FRMD4A: variants seen among roughly 807,000 people sequenced by gnomAD.
FRMD4A encodes FERM domain-containing protein 4A.
Under a neutral mutation model 129.1 loss-of-function variants are expected in FRMD4A, and 29 were observed. That is an observed-to-expected ratio of 0.22 (90% CI 0.17 to 0.31). The LOEUF (loss-of-function observed/expected upper bound fraction) is 0.31. Ranked by LOEUF, FRMD4A falls within the 10% of genes least tolerant of loss-of-function variation. The pLI is 1.00. For synonymous variants in FRMD4A, 634 were observed against 571.6 expected (o/e 1.11, Z -1.56); for missense variants, 1,272 against 1,375.8 (o/e 0.92, Z 1.19).
At chr10:13,993,432 C>T (rs2095610668) in intron 2 of FRMD4A, among the ~76,000 whole-genome samples, 1 of 152,224 alleles carries the variant, frequency 6.6e-6, no homozygotes, top group Non-Finnish European at 1.5e-5. Flanking sequence ...TGTTACCAGT[C>T]AGCCACCTTG....
chr10:14,015,074 T>TTC (rs1242790058), intron 2 of FRMD4A, among the ~76,000 whole-genome samples: 2 of 131,572 alleles, frequency 1.5e-5, no homozygotes, highest in South Asian at 5.8e-4. Flanking sequence ...CTGTCCTTCC[T>TTC]TCTCTCTCTC....
At chr10:14,139,158 T>C (rs1381065280) in intron 2 of FRMD4A, among the ~76,000 whole-genome samples, 1 of 152,240 alleles carries the variant, frequency 6.6e-6, no homozygotes, top group Non-Finnish European at 1.5e-5. Flanking sequence ...GGAAGAAATG[T>C]GCATGGGGAA....
chr10:13,657,107 G>A lies in FRMD4A; in HGVS notation c.2482C>T (p.Pro828Ser), dbSNP rs868694516. The A allele has an allele frequency of 5.8e-6, 9 of 1,560,156 alleles. No homozygotes were observed. Among genetic ancestry groups the A allele is most frequent in the Non-Finnish European group, 7.8e-6 (9 of 1,159,648 alleles). ...GGVYLHSQSQ[P>S]SSQYRIKEYP... is the part of the protein sequence containing the mutation. ...TCCTTGATGCGGTACTGCGAGCTGG[G>A]CTGGCTCTGGCTGTGCAGGTACACA... The change falls in exon 22 of 25, where the codon CCC becomes TCC. Residue 828 changes from proline (P) to serine (S), a missense_variant. Pro to Ser is a moderately conservative substitution (Grantham distance 74). Transcript: ENST00000357447.
At position 13,768,101 on chromosome 10, in the gene FRMD4A, T is replaced by C. The variant is rs77526485; in HGVS notation, c.385-5421A>G. ...AGGTATGTGTGTGTGTGTGTGTGTG[T>C]GCGAACGTGCTCTGAGTAGGGGTGG... On this transcript the variant is annotated intron_variant, in intron 6 of 24. Coordinates refer to ENST00000357447, the MANE Select transcript of FRMD4A (RefSeq NM_018027.5). 7.2e-3 allele frequency among the ~76,000 whole-genome samples: 1,089 copies of C among 151,948 alleles called. 10 individuals carry two copies. Among genetic ancestry groups the C allele is most frequent in the African/African-American group, 0.024 (975 of 41,370 alleles).
At chr10:14,185,535 A>G (rs372467616) in intron 2 of FRMD4A, among the ~76,000 whole-genome samples, 31 of 151,544 alleles carry the variant, frequency 2.0e-4, no homozygotes, top group Admixed American at 4.6e-4. Context: ...AGAACTATGG[A>G]AACTTGAAAC....
At chr10:14,004,144 G>A (rs549015141) in intron 2 of FRMD4A, among the ~76,000 whole-genome samples, 79 of 152,310 alleles carry the variant, frequency 5.2e-4, no homozygotes, top group African/African-American at 1.7e-3. Context: ...TTATCACCAC[G>A]ACACAATATA....
At chr10:13,675,690 C>G (rs141112658) in intron 15 of FRMD4A, 1 of 152,114 alleles carries the variant, frequency 6.6e-6, no homozygotes, top group Admixed American at 6.5e-5. Flanking sequence ...TGTAAGCCAC[C>G]GTGCCCAGCC....
intron 2 of FRMD4A, among the ~76,000 whole-genome samples, chr10:13,953,588 C>G (rs1026701673): frequency 1.3e-5 from 2 of 152,286 alleles, no homozygotes; most frequent in African/African-American, 4.8e-5. Flanking sequence ...CACTAGTCAC[C>G]TAGTAGCCAT....
chr10:13,806,898 C>T (rs2093365540), intron 4 of FRMD4A, among the ~76,000 whole-genome samples: 1 of 152,222 alleles, frequency 6.6e-6, no homozygotes, highest in Non-Finnish European at 1.5e-5. Flanking sequence ...ATCTCTGCCT[C>T]CTGGGTTCAG....
intron 2 of FRMD4A, among the ~76,000 whole-genome samples, chr10:14,313,227 G>T (rs1476223280): frequency 1.3e-5 from 2 of 151,672 alleles, no homozygotes; most frequent in East Asian, 1.9e-4. Flanking sequence ...ACCAGGTGTG[G>T]TGGTACATGT....
intron 2 of FRMD4A, among the ~76,000 whole-genome samples, chr10:14,114,564 G>T (rs1259235934): frequency 6.6e-6 from 1 of 152,208 alleles, no homozygotes; most frequent in Non-Finnish European, 1.5e-5. Context: ...AAAAAGAGCA[G>T]AAAGGAATGA....
intron 2 of FRMD4A, among the ~76,000 whole-genome samples, chr10:14,248,903 G>A (rs1192112898): frequency 6.6e-6 from 1 of 152,226 alleles, no homozygotes; most frequent in Non-Finnish European, 1.5e-5. Flanking sequence ...AAGTGAGACA[G>A]CATCCCAAGG....
chr10:14,128,737 G>A (rs1038762600), intron 2 of FRMD4A, among the ~76,000 whole-genome samples: 1 of 152,158 alleles, frequency 6.6e-6, no homozygotes, highest in Non-Finnish European at 1.5e-5. Flanking sequence ...AGCACCACAT[G>A]CATATTAAAT....
intron 2 of FRMD4A, among the ~76,000 whole-genome samples, chr10:13,905,010 A>G (rs915734986): frequency 6.6e-6 from 1 of 150,670 alleles, no homozygotes; most frequent in African/African-American, 2.4e-5. Flanking sequence ...AAAAAAAAAA[A>G]GAAAAGAAAA....
At chr10:13,942,303 G>A (rs572412450) in intron 2 of FRMD4A, among the ~76,000 whole-genome samples, 4 of 152,162 alleles carry the variant, frequency 2.6e-5, no homozygotes, top group Non-Finnish European at 5.9e-5. Context: ...GCAATGATGG[G>A]CCCCTCCCTG....
At chr10:14,120,903 G>T (rs1838473729) in intron 2 of FRMD4A, among the ~76,000 whole-genome samples, 1 of 152,196 alleles carries the variant, frequency 6.6e-6, no homozygotes, top group Non-Finnish European at 1.5e-5. Context: ...GGGCATCTTG[G>T]CTGGCTGTCA....
intron 2 of FRMD4A, among the ~76,000 whole-genome samples, chr10:13,886,990 G>A (rs1284319974): frequency 6.6e-6 from 1 of 152,210 alleles, no homozygotes; most frequent in Non-Finnish European, 1.5e-5. Flanking sequence ...GGGTATGGAT[G>A]TACCAATGCT....
At chr10:13,704,858 C>T (rs2087251356) in intron 13 of FRMD4A, among the ~76,000 whole-genome samples, 1 of 150,890 alleles carries the variant, frequency 6.6e-6, no homozygotes, top group Non-Finnish European at 1.5e-5. Flanking sequence ...ATTGCTTGAG[C>T]TTGGGAATTT....
rs144435902 is a variant in FRMD4A at position 13,666,077 on chromosome 10, G to A, written c.1603+20C>T. ...GCCCGGGCGTGGGAGTGGGGTGGGG[G>A]CAGCCCGGTTGGCACTGACCGTCTA... On this transcript the variant is annotated intron_variant, in intron 18 of 24. Coordinates refer to ENST00000357447, the MANE Select transcript of FRMD4A (RefSeq NM_018027.5). The A allele has an allele frequency of 0.013, 19,257 of 1,487,224 alleles. 175 individuals carry two copies. The highest frequency in any genetic ancestry group is 0.035 in the Middle Eastern group (201 of 5,786). The allele number at this position is 1,487,224 out of a possible 1,614,324, so 92.1% of individuals were successfully genotyped here.
Sources: allele counts gnomAD v4.1 joint callset (sites outside exome capture counted in the v4.1 genomes callset), GRCh38; gene constraint gnomAD v4.1.1; transcripts MANE v1.5; gene names NCBI Gene and HGNC (gene_info 2026-07-23, HGNC 2026-07-21).